PITPNC1: variants seen among roughly 807,000 people sequenced by gnomAD.
The protein encoded by PITPNC1 is phosphatidylinositol transfer protein cytoplasmic 1, also known as cytoplasmic phosphatidylinositol transfer protein 1.
In PITPNC1, 18 loss-of-function variants were observed where a neutral mutation model predicts 44.7. The observed-to-expected ratio is 0.40, with a 90% CI of 0.28 to 0.60. The LOEUF (loss-of-function observed/expected upper bound fraction) is 0.60, where lower values mean the gene tolerates loss of function less well. PITPNC1 is among the 20% of genes least tolerant of loss of function. The pLI, the probability that PITPNC1 is intolerant of heterozygous loss-of-function variation, is 0.39. For synonymous variants in PITPNC1, 141 were observed against 149.6 expected, an observed-to-expected ratio of 0.94 and a Z score of 0.42; for missense variants, 290 against 418.4, an observed-to-expected ratio of 0.69 and a Z score of 2.68.
chr17:67,669,372 TC>T (rs1316777367), intron 6 of PITPNC1, 135 bp from the exon 7 acceptor site: 2 of 594,540 alleles, frequency 3.4e-6, no homozygotes, highest in Non-Finnish European at 5.6e-6. Context: ...CGCCTCAGCC[TC>T]CCAAAGTGCT....
At chr17:67,470,254 T>A (rs2039498881) in intron 1 of PITPNC1, among the ~76,000 whole-genome samples, 1 of 152,130 alleles carries the variant, frequency 6.6e-6, no homozygotes, top group Non-Finnish European at 1.5e-5. Context: ...AGAATAGAAC[T>A]CACTTTAAGT....
intron 1 of PITPNC1, among the ~76,000 whole-genome samples, chr17:67,402,483 G>C (rs1391288142): frequency 2.6e-5 from 4 of 152,034 alleles, no homozygotes; most frequent in Non-Finnish European, 5.9e-5. Context: ...AGTTACACTT[G>C]GTCTTCTCCA....
At chr17:67,585,867 C>T (rs188773538) in intron 5 of PITPNC1, among the ~76,000 whole-genome samples, 4 of 152,254 alleles carry the variant, frequency 2.6e-5, no homozygotes, top group African/African-American at 4.8e-5. Context: ...GGCAGCCATC[C>T]GCAAGTCAAG....
intron 4 of PITPNC1, among the ~76,000 whole-genome samples, chr17:67,566,604 A>G (rs1248983658): frequency 6.6e-6 from 1 of 152,244 alleles, no homozygotes; most frequent in Non-Finnish European, 1.5e-5. Flanking sequence ...TACTAGGGTA[A>G]TTTGGCATCT....
intron 6 of PITPNC1, among the ~76,000 whole-genome samples, chr17:67,647,856 G>A (rs8075363): frequency 0.093 from 14,085 of 152,010 alleles, 1,149 homozygotes; most frequent in African/African-American, 0.22. Flanking sequence ...CAGATCTGAG[G>A]ACCCCACAAG....
chr17:67,463,511 C>A (rs757066199), intron 1 of PITPNC1, among the ~76,000 whole-genome samples: 2 of 152,166 alleles, frequency 1.3e-5, no homozygotes, highest in Admixed American at 1.3e-4. Flanking sequence ...GTAGCAAATT[C>A]GGCTTCCGGA....
At chr17:67,487,918 A>G (rs2039804139) in intron 1 of PITPNC1, among the ~76,000 whole-genome samples, 2 of 152,216 alleles carry the variant, frequency 1.3e-5, no homozygotes, top group Non-Finnish European at 2.9e-5. Context: ...TGCTGATTGA[A>G]GAAAAGGGTT....
intron 2 of PITPNC1, among the ~76,000 whole-genome samples, chr17:67,545,516 C>G (rs1431240571): frequency 1.3e-5 from 2 of 152,150 alleles, no homozygotes; most frequent in Non-Finnish European, 2.9e-5. Context: ...GTGGAGGTTG[C>G]AGCGAGCTGA....
intron 5 of PITPNC1, among the ~76,000 whole-genome samples, chr17:67,578,897 G>T (rs1302842211): frequency 1.3e-5 from 2 of 152,172 alleles, no homozygotes; most frequent in African/African-American, 4.8e-5. Context: ...TAGGAGGATT[G>T]CTTGAACCTG....
At chr17:67,419,158 G>A (rs2038628751) in intron 1 of PITPNC1, among the ~76,000 whole-genome samples, 2 of 131,024 alleles carry the variant, frequency 1.5e-5, no homozygotes, top group African/African-American at 6.0e-5. Context: ...GCTTGGGGGA[G>A]AAGGAGGAAG....
chr17:67,456,432 T>C (rs2039255776), intron 1 of PITPNC1, among the ~76,000 whole-genome samples: 1 of 152,212 alleles, frequency 6.6e-6, no homozygotes, highest in Non-Finnish European at 1.5e-5. Flanking sequence ...TAGCAATTGT[T>C]GATGTTTTTT....
At chr17:67,468,159 C>G (rs1254797568) in intron 1 of PITPNC1, among the ~76,000 whole-genome samples, 3 of 152,092 alleles carry the variant, frequency 2.0e-5, no homozygotes, top group Non-Finnish European at 2.9e-5. Flanking sequence ...TCAGGCAATG[C>G]TATGGAAGGG....
At chr17:67,608,296 AG>A (rs1387296943) in intron 5 of PITPNC1, among the ~76,000 whole-genome samples, 7 of 151,420 alleles carry the variant, frequency 4.6e-5, no homozygotes, top group African/African-American at 1.7e-4. Context: ...CTAGCTACTC[AG>A]GAGGCTGAGG....
chr17:67,650,121 T>C (rs992198694), intron 6 of PITPNC1, among the ~76,000 whole-genome samples: 1 of 152,206 alleles, frequency 6.6e-6, no homozygotes, highest in East Asian at 1.9e-4. Flanking sequence ...GTATGTGATC[T>C]GAAGGAGCTT....
chr17:67,486,266 A>G (rs564942830), intron 1 of PITPNC1, among the ~76,000 whole-genome samples: 2 of 152,318 alleles, frequency 1.3e-5, no homozygotes, highest in South Asian at 2.1e-4. Context: ...GGCTATATAT[A>G]TATAATGAAC....
At chr17:67,502,235 C>T (rs1246099710) in intron 1 of PITPNC1, among the ~76,000 whole-genome samples, 1 of 151,608 alleles carries the variant, frequency 6.6e-6, no homozygotes, top group African/African-American at 2.4e-5. Flanking sequence ...CCTTAGTGCT[C>T]TTCTCTGCTT....
chr17:67,513,973 C>T (rs749038998), intron 1 of PITPNC1, among the ~76,000 whole-genome samples: 7 of 151,124 alleles, frequency 4.6e-5, no homozygotes, highest in South Asian at 2.1e-4. Flanking sequence ...CGAAGCCCAC[C>T]GAAGACCCGC....
chr17:67,502,919 G>T (rs1297017876), intron 1 of PITPNC1, among the ~76,000 whole-genome samples: 6 of 151,904 alleles, frequency 3.9e-5, no homozygotes, highest in Non-Finnish European at 5.9e-5. Context: ...TCAGCCTCCC[G>T]AGTAGCTGGG....
At chr17:67,511,371 G>T (rs1482758611) in intron 1 of PITPNC1, among the ~76,000 whole-genome samples, 1 of 152,188 alleles carries the variant, frequency 6.6e-6, no homozygotes, top group East Asian at 1.9e-4. Flanking sequence ...CCTAGGTAGA[G>T]TAGCTAGGTA....
Sources: allele counts gnomAD v4.1 joint callset (sites outside exome capture counted in the v4.1 genomes callset), GRCh38; gene constraint gnomAD v4.1.1; transcripts MANE v1.5; gene names NCBI Gene and HGNC (gene_info 2026-07-23, HGNC 2026-07-21).